TRAPPC14: variants seen among roughly 807,000 people sequenced by gnomAD.
The protein encoded by TRAPPC14 is microtubule associated protein 11.
TRAPPC14 carries 24 observed loss-of-function variants against 56.6 expected under a neutral mutation model. That is an observed-to-expected ratio of 0.42 (90% CI 0.31 to 0.60). The LOEUF (loss-of-function observed/expected upper bound fraction) is 0.60, where lower values mean the gene tolerates loss of function less well. TRAPPC14 is among the 20% of genes least tolerant of loss of function. The pLI is 0.14. For missense variants in TRAPPC14, 615 were observed against 790.3 expected, an observed-to-expected ratio of 0.78 and a Z score of 2.66; for synonymous variants, 377 against 347.0, an observed-to-expected ratio of 1.09 and a Z score of -0.96.
intron 8 of TRAPPC14, 191 bp from the exon 9 acceptor site, chr7:100,156,016 C>G: frequency 1.3e-6 from 1 of 791,296 alleles, no homozygotes; most frequent in Non-Finnish European, 2.2e-6. Flanking sequence ...TATATTAACT[C>G]AGTATCTGCA....
chr7:100,157,497 A>C (rs1334408147), intron 3 of TRAPPC14, 38 bp from the exon 4 acceptor site: 1 of 1,604,206 alleles, frequency 6.2e-7, no homozygotes, highest in Non-Finnish European at 8.5e-7. Flanking sequence ...GATGGTCTGG[A>C]GGCTGACCTC....
chr7:100,154,874 C>T lies in TRAPPC14; in HGVS notation c.*137G>A, dbSNP rs1798840195. On this transcript the variant is annotated 3_prime_UTR_variant, in exon 11 of 11. Coordinates refer to ENST00000316937, the MANE Select transcript of TRAPPC14 (RefSeq NM_018275.5). Reference sequence around the variant, plus strand: ...TCTTCCCCCATCCCTCATCAGCAGACACAAGACAGGCAGCTCTGCCAGGCC... The same window carrying T: ...TCTTCCCCCATCCCTCATCAGCAGATACAAGACAGGCAGCTCTGCCAGGCC... 4 of 810,232 alleles carry T rather than the reference C, an allele frequency of 4.9e-6. No homozygotes were observed. The highest frequency in any genetic ancestry group is 8.2e-6 in the Non-Finnish European group (4 of 485,242). The allele number at this position is 810,232 out of a possible 1,614,324, so 50.2% of individuals were successfully genotyped here.
At position 100,156,615 on chromosome 7, in the gene TRAPPC14, C is replaced by T; in HGVS notation, c.1076+19G>A. The T allele has an allele frequency of 1.2e-6, 2 of 1,611,328 alleles. No individual in the cohort carries two copies. The highest frequency in any genetic ancestry group is 1.7e-6 in the Non-Finnish European group (2 of 1,178,264). On this transcript the variant is annotated intron_variant, in intron 7 of 10. Coordinates refer to ENST00000316937, the MANE Select transcript of TRAPPC14 (RefSeq NM_018275.5). ...GCCACAAAGGCGAACGCCACGATTC[C>T]TCCAGGATCCACACTCACCGGTAGT...
At position 100,158,428 on chromosome 7, in the gene TRAPPC14, C is replaced by T. The variant is rs1249110087; in HGVS notation, c.72G>A (p.Gly24=). Residue 24 remains glycine (G), a synonymous_variant, in exon 1 of 11, where the codon GGG becomes GGA. Transcript: ENST00000316937. ...VPLPPRAELA[G]DPGRYRALPR... ...GCAGCGCCCGGTACCGGCCCGGATC[C>T]CCTGCCAGCTCCGCGCGCGGCGGCA... is the stretch of plus-strand genomic sequence containing the variant. The T allele has an allele frequency of 2.1e-6, 3 of 1,419,866 alleles. No individual in the cohort carries two copies. The highest frequency in any genetic ancestry group is 1.8e-6 in the Non-Finnish European group (2 of 1,088,754). The allele number at this position is 1,419,866 out of a possible 1,614,324, so 88.0% of individuals were successfully genotyped here.
At chr7:100,158,007 A>T in intron 1 of TRAPPC14, 69 bp from the exon 2 acceptor site, 1 of 1,437,996 alleles carries the variant, frequency 7.0e-7, no homozygotes, top group Non-Finnish European at 9.3e-7. Flanking sequence ...TCCCTTTAAG[A>T]CCGGCAGTTC....
intron 9 of TRAPPC14, 35 bp from the exon 10 acceptor site, chr7:100,155,490 C>A: frequency 6.6e-7 from 1 of 1,518,524 alleles, no homozygotes; most frequent in Non-Finnish European, 8.8e-7. Context: ...GCCAGCTCGG[C>A]TTCCAGGACC....
rs779797586 is a variant in TRAPPC14, at chr7:100,158,299, G to A, written c.201C>T (p.Gly67=). 184 of 1,470,706 alleles carry A rather than the reference G, an allele frequency of 1.3e-4. No homozygotes were observed. The highest frequency in any genetic ancestry group is 1.7e-4 in the Middle Eastern group (1 of 5,744). The allele number at this position is 1,470,706 out of a possible 1,614,324, so 91.1% of individuals were successfully genotyped here. A position where few individuals can be genotyped will look rare whatever the true frequency, so the allele number is the denominator to read the frequency against. The change falls in exon 1 of 11, where the codon GGC becomes GGT. Residue 67 remains glycine (G), a synonymous_variant. Coordinates refer to ENST00000316937, the MANE Select transcript of TRAPPC14 (RefSeq NM_018275.5). ...CCAGTTCTGCCCAGGCTCCTCTGGAGCCCAAGCCCGGGCCGCCCCCGGTGC... is the reference window on the plus strand; with the variant it reads ...CCAGTTCTGCCCAGGCTCCTCTGGAACCCAAGCCCGGGCCGCCCCCGGTGC... ...GSGTGGGPGL[G]SRGAWAELAT...
Position 100,154,984 on chromosome 7 carries a change from G to A in TRAPPC14, c.*27C>T, listed in dbSNP as rs762635780. On this transcript the variant is annotated 3_prime_UTR_variant, in exon 11 of 11. Transcript: ENST00000316937. ...TCTGGGGGCGTTGGGTCTCTGGAGT[G>A]TAAGAGGGAACAGAGCTGGCACGGT... 16 of 1,613,260 alleles carry A rather than the reference G, an allele frequency of 9.9e-6. No individual in the cohort carries two copies. Among genetic ancestry groups the A allele is most frequent in the African/African-American group, 2.7e-5 (2 of 74,922 alleles).
In TRAPPC14 at chr7:100,158,294, C is replaced by G. The variant is rs753560496; in HGVS notation, c.206G>C (p.Arg69Thr). 4.1e-6 allele frequency: 6 copies of G among 1,478,780 alleles called. No homozygotes were observed. Among genetic ancestry groups the G allele is most frequent in the Middle Eastern group, 1.7e-4 (1 of 5,722 alleles). 91.6% of individuals were successfully genotyped at this position (1,478,780 alleles called of 1,614,324 possible). ...GTGGGPGLGS[R>T]GAWAELATAL... ...GGTTGCCAGTTCTGCCCAGGCTCCT[C>G]TGGAGCCCAAGCCCGGGCCGCCCCC... Residue 69 changes from arginine to threonine, a missense_variant, in exon 1 of 11, where the codon AGA becomes ACA. By Grantham distance (71) the Arg-to-Thr change is moderately conservative. Coordinates refer to ENST00000316937, the MANE Select transcript of TRAPPC14 (RefSeq NM_018275.5).
intron 4 of TRAPPC14, 69 bp from the exon 5 acceptor site, chr7:100,157,283 C>A (rs1798901493): frequency 2.5e-6 from 4 of 1,613,302 alleles, no homozygotes; most frequent in Non-Finnish European, 3.4e-6. Context: ...CCAGAAAAAA[C>A]CGGACCTACC....
intron 6 of TRAPPC14, 48 bp from the exon 7 acceptor site, chr7:100,156,764 C>T (rs1798889641): frequency 2.5e-6 from 4 of 1,600,680 alleles, no homozygotes; most frequent in Non-Finnish European, 3.4e-6. Context: ...GAGTGCCCCT[C>T]CCATCTTGAG....
At chr7:100,156,164 T>G in intron 8 of TRAPPC14, 1 of 611,568 alleles carries the variant, frequency 1.6e-6, no homozygotes, top group Non-Finnish European at 2.9e-6. Flanking sequence ...GCAGCTCCAG[T>G]GTCTATGCCC....
chr7:100,158,317 C>T lies in TRAPPC14; in HGVS notation c.183G>A (p.Gly61=). Residue 61 remains glycine (G), a synonymous_variant, in exon 1 of 11, where the codon GGG becomes GGA. Coordinates refer to ENST00000316937, the MANE Select transcript of TRAPPC14 (RefSeq NM_018275.5). Reference sequence around the variant, plus strand: ...CTCTGGAGCCCAAGCCCGGGCCGCCCCCGGTGCCGGACCCCGCACCGCCCC... The same window carrying T: ...CTCTGGAGCCCAAGCCCGGGCCGCCTCCGGTGCCGGACCCCGCACCGCCCC... ...RCRGGAGSGT[G]GGPGLGSRGA... is the part of the protein sequence containing the mutation. The T allele has an allele frequency of 6.8e-7, 1 of 1,462,688 alleles. No homozygotes were observed. Among genetic ancestry groups the T allele is most frequent in the South Asian group, 1.3e-5 (1 of 75,006 alleles). 90.6% of individuals were successfully genotyped at this position (1,462,688 alleles called of 1,614,324 possible). A position where few individuals can be genotyped will look rare whatever the true frequency, so the allele number is the denominator to read the frequency against.
In TRAPPC14 at chr7:100,158,638, C is replaced by T. The variant is rs982745667; in HGVS notation, c.-139G>A. 245 of 873,942 alleles carry T rather than the reference C, an allele frequency of 2.8e-4. No individual in the cohort carries two copies. The highest frequency in any genetic ancestry group is 3.5e-4 in the Non-Finnish European group (233 of 658,842). The allele number at this position is 873,942 out of a possible 1,614,324, so 54.1% of individuals were successfully genotyped here. ...GCGGCCGGAGAGACCGGCCCGGTCC[C>T]GGCACCGGGGCAACGAACCCGAACC... On this transcript the variant is annotated 5_prime_UTR_variant, in exon 1 of 11. Transcript: ENST00000316937.
At position 100,157,724 on chromosome 7, in the gene TRAPPC14, T is replaced by A; in HGVS notation, c.546A>T (p.Pro182=). Residue 182 remains proline, a synonymous_variant, in exon 3 of 11, where the codon CCA becomes CCT. Transcript: ENST00000316937. ...GCAGGTAGCCTTGATCTCTGACCTC[T>A]GGTGCCTCAATCTCCCGCTTCCACA... is the stretch of plus-strand genomic sequence containing the variant. ...VTVWKREIEA[P]EVRDQGYLRL... 6.2e-7 allele frequency: 1 copy of A among 1,614,222 alleles called. No individual in the cohort carries two copies. The highest frequency in any genetic ancestry group is 2.2e-5 in the East Asian group (1 of 44,882).
rs1236455413 is a variant in TRAPPC14 at position 100,154,942 on chromosome 7, C to T, written c.*69G>A. The stretch of plus-strand genomic sequence containing the variant: ...GAGGCATCCCAGGGGAGGCACAGCC[C>T]GGGAGCAGGGATCCCCTCTGGGGGC... On this transcript the variant is annotated 3_prime_UTR_variant, in exon 11 of 11. Transcript: ENST00000316937. 1.2e-5 allele frequency: 19 copies of T among 1,539,756 alleles called. No individual in the cohort carries two copies. Among genetic ancestry groups the T allele is most frequent in the Non-Finnish European group, 1.4e-5 (16 of 1,113,388 alleles).
Position 100,157,075 on chromosome 7 carries a change from G to A in TRAPPC14, c.845+19C>T, listed in dbSNP as rs199921248. 3.3e-4 allele frequency: 526 copies of A among 1,613,886 alleles called. No homozygotes were observed. The highest frequency in any genetic ancestry group is 4.1e-4 in the Non-Finnish European group (478 of 1,179,908). On this transcript the variant is annotated intron_variant, in intron 5 of 10. Coordinates refer to ENST00000316937, the MANE Select transcript of TRAPPC14 (RefSeq NM_018275.5). ...GCCATCCCCACCACTTCACAGCCTC[G>A]CCCCTCCCAGGACCTCACCAGACAT...
chr7:100,154,799 C>G lies in TRAPPC14; in HGVS notation c.*212G>C. The G allele has an allele frequency of 1.7e-6, 1 of 599,316 alleles. No individual in the cohort carries two copies. The highest frequency in any genetic ancestry group is 3.0e-6 in the Non-Finnish European group (1 of 337,792). The allele number at this position is 599,316 out of a possible 1,614,324, so 37.1% of individuals were successfully genotyped here. On this transcript the variant is annotated 3_prime_UTR_variant, in exon 11 of 11. Coordinates refer to ENST00000316937, the MANE Select transcript of TRAPPC14 (RefSeq NM_018275.5). The stretch of plus-strand genomic sequence containing the variant: ...GGGGCCAGCCCCCCCCACAGGAACT[C>G]GGGGAATACTGGTGGCTTAGTCCCA...
intron 8 of TRAPPC14, 111 bp downstream of exon 8, chr7:100,156,275 C>T (rs1798879506): frequency 5.3e-6 from 6 of 1,138,222 alleles, no homozygotes; most frequent in East Asian, 2.4e-5. Context: ...AAGTCGCCTC[C>T]TGTGATGGGG....
Sources: gnomAD v4.1 joint callset for allele counts on GRCh38, gnomAD v4.1.1 for gene constraint, MANE v1.5 for transcripts, NCBI Gene and HGNC (gene_info 2026-07-23, HGNC 2026-07-21) for gene names.